The following RCSD1 variants were observed in gnomAD, a reference collection of about 807,000 sequenced individuals.
RCSD1 encodes the protein RCSD domain containing 1, also known as capZ-interacting protein.
In RCSD1, 26 loss-of-function variants were observed where a neutral mutation model predicts 42.5. The ratio of observed to expected loss-of-function variants is 0.61; its 90% CI spans 0.45 to 0.85. The LOEUF (loss-of-function observed/expected upper bound fraction) is 0.85, where lower values mean the gene tolerates loss of function less well. RCSD1 is among the 40% of genes least tolerant of loss of function. RCSD1 has a pLI of 0.00. For synonymous variants in RCSD1, 220 were observed against 212.2 expected (o/e 1.04, Z -0.32); for missense variants, 571 against 528.3 (o/e 1.08, Z -0.79).
chr1:167,694,453 C>T (rs1659450649), intron 5 of RCSD1, 151 bp downstream of exon 5: 1 of 730,130 alleles, frequency 1.4e-6, no homozygotes, highest in Non-Finnish European at 2.2e-6. Context: ...AATTTCTCCT[C>T]TCCTTTGCAA....
Position 167,630,440 on chromosome 1 carries a change from C to T in RCSD1, c.6+11C>T. On this transcript the variant is annotated intron_variant, in intron 1 of 6. Transcript: ENST00000367854. The stretch of plus-strand genomic sequence containing the variant: ...CTGAAGGACATGGAGGTAAAGGACC[C>T]CGGAGGGAGACGCGGGGCTGAGCGG... 1 of 1,540,214 alleles carries T rather than the reference C, an allele frequency of 6.5e-7. No homozygotes were observed. The highest frequency in any genetic ancestry group is 1.7e-4 in the Middle Eastern group (1 of 5,810).
At chr1:167,669,891 C>T (rs778151159) in intron 1 of RCSD1, among the ~76,000 whole-genome samples, 1 of 152,230 alleles carries the variant, frequency 6.6e-6, no homozygotes, top group South Asian at 2.1e-4. Context: ...GGATGCAGAC[C>T]GGGGGCTGGG....
In RCSD1 at chr1:167,658,729, C is replaced by A. The variant is rs140896121; in HGVS notation, c.7-25171C>A. Among the ~76,000 whole-genome samples the A allele has an allele frequency of 3.1e-3, 467 of 152,244 alleles. 2 individuals are homozygous for A. The highest frequency in any genetic ancestry group is 7.1e-3 in the Admixed American group (108 of 15,286). ...TACAAGCATGAGTCACCATGCCTGGCCTAGTTCATTCTTTTTAATGGTTTC... is the reference window on the plus strand; with the variant it reads ...TACAAGCATGAGTCACCATGCCTGGACTAGTTCATTCTTTTTAATGGTTTC... On this transcript the variant is annotated intron_variant, in intron 1 of 6. Transcript: ENST00000367854.
intron 1 of RCSD1, among the ~76,000 whole-genome samples, chr1:167,674,703 T>C (rs1214542135): frequency 1.3e-5 from 2 of 152,232 alleles, no homozygotes; most frequent in Non-Finnish European, 2.9e-5. Flanking sequence ...TCTGGACATG[T>C]CATAACAATG....
intron 1 of RCSD1, chr1:167,664,512 A>C (rs778475596): frequency 6.6e-6 from 1 of 152,266 alleles, no homozygotes; most frequent in Non-Finnish European, 1.5e-5. Context: ...ATATATCTAC[A>C]ATAAAATTCA....
intron 4 of RCSD1, among the ~76,000 whole-genome samples, chr1:167,691,580 A>G (rs1003140106): frequency 1.3e-5 from 2 of 152,218 alleles, no homozygotes; most frequent in African/African-American, 2.4e-5. Context: ...TCCAGGCCCA[A>G]CTGAGAGCAC....
intron 1 of RCSD1, among the ~76,000 whole-genome samples, chr1:167,632,325 G>A (rs1445541705): frequency 6.6e-6 from 1 of 152,204 alleles, no homozygotes; most frequent in Admixed American, 6.5e-5. Context: ...AAGGATTGGA[G>A]ATAAGAGAAA....
chr1:167,675,046 A>T (rs893093732), intron 1 of RCSD1, among the ~76,000 whole-genome samples: 1 of 151,958 alleles, frequency 6.6e-6, no homozygotes, highest in Non-Finnish European at 1.5e-5. Context: ...CTCTACTAAA[A>T]ATACAAAAAA....
intron 1 of RCSD1, among the ~76,000 whole-genome samples, chr1:167,637,534 T>C (rs1657889576): frequency 6.6e-6 from 1 of 152,144 alleles, no homozygotes; most frequent in South Asian, 2.1e-4. Flanking sequence ...CTGGCAGCCC[T>C]AGGGTGCAGA....
chr1:167,690,119 A>G lies in RCSD1; in HGVS notation c.269A>G (p.Gln90Arg), dbSNP rs1229286919. The G allele has an allele frequency of 1.2e-6, 2 of 1,613,934 alleles. No homozygotes were observed. Among genetic ancestry groups the G allele is most frequent in the Admixed American group, 1.7e-5 (1 of 60,002 alleles). Reference sequence around the variant, plus strand: ...AGCTCGCCTCTGATTGAGAAGCTTCAGGTAAGTGCAGAATTCATTGTCTAT... The same window carrying G: ...AGCTCGCCTCTGATTGAGAAGCTTCGGGTAAGTGCAGAATTCATTGTCTAT... ...VKSSPLIEKL[Q>R]ANLTFDPAAL... Residue 90 changes from glutamine to arginine, a missense_variant and splice_region_variant, in exon 4 of 7, where the codon CAG (glutamine) becomes CGG (arginine). Physicochemically the swap from Gln to Arg is conservative, Grantham distance 43. Transcript: ENST00000367854.
In RCSD1 at chr1:167,632,935, G is replaced by A. The variant is rs781409585; in HGVS notation, c.6+2506G>A. ...TGATATGCAGGAGTTGGATTTGGGG[G>A]TTTCTGAAAATCTCAGAGTAAAACC... On this transcript the variant is annotated intron_variant, in intron 1 of 6. Coordinates refer to ENST00000367854, the MANE Select transcript of RCSD1 (RefSeq NM_052862.4). Among the ~76,000 whole-genome samples the A allele has an allele frequency of 1.4e-4, 22 of 152,308 alleles. No homozygotes were observed. The Middle Eastern group carries it at 0.01, about 71-fold the overall frequency.
chr1:167,656,271 T>C (rs1172064546), intron 1 of RCSD1, among the ~76,000 whole-genome samples: 1 of 152,168 alleles, frequency 6.6e-6, no homozygotes, highest in Non-Finnish European at 1.5e-5. Context: ...TAATCCTCCC[T>C]AGAATTCAGT....
At chr1:167,664,899 G>A (rs1315292257) in intron 1 of RCSD1, 2 of 152,188 alleles carry the variant, frequency 1.3e-5, no homozygotes, top group African/African-American at 2.4e-5. Context: ...TTAGCCAGGC[G>A]TGGTGGCGCA....
chr1:167,673,366 C>T (rs1658859024), intron 1 of RCSD1, among the ~76,000 whole-genome samples: 1 of 152,202 alleles, frequency 6.6e-6, no homozygotes, highest in Non-Finnish European at 1.5e-5. Flanking sequence ...AGATAACTTC[C>T]CTCATCATCT....
At chr1:167,655,529 C>T (rs1039591596) in intron 1 of RCSD1, among the ~76,000 whole-genome samples, 27 of 152,172 alleles carry the variant, frequency 1.8e-4, no homozygotes, top group African/African-American at 6.5e-4. Context: ...CCTGCTATGA[C>T]CTGCGTGTGC....
intron 1 of RCSD1, among the ~76,000 whole-genome samples, chr1:167,671,815 C>T (rs889657322): frequency 6.6e-6 from 1 of 152,218 alleles, no homozygotes; most frequent in Non-Finnish European, 1.5e-5. Context: ...CTTAGGCAGC[C>T]TTTCATGCTC....
intron 6 of RCSD1, 22 bp downstream of exon 6, chr1:167,697,864 C>G: frequency 2.8e-6 from 4 of 1,451,530 alleles, no homozygotes; most frequent in Non-Finnish European, 3.6e-6. Context: ...GGCTCGTTCA[C>G]ATGCAGAAGG....
chr1:167,694,912 G>C (rs188563243), intron 5 of RCSD1, among the ~76,000 whole-genome samples: 71 of 152,334 alleles, frequency 4.7e-4, no homozygotes, highest in African/African-American at 1.7e-3. Flanking sequence ...AGGAGGTAAG[G>C]ATCAGAGATA....
intron 2 of RCSD1, 35 bp downstream of exon 2, chr1:167,684,036 A>G: frequency 2.6e-6 from 4 of 1,543,856 alleles, no homozygotes; most frequent in Non-Finnish European, 3.6e-6. Context: ...CCTCTTCAGC[A>G]GCGGGCAGGA....
Sources: allele counts gnomAD v4.1 joint callset (sites outside exome capture counted in the v4.1 genomes callset), GRCh38; gene constraint gnomAD v4.1.1; transcripts MANE v1.5; gene names NCBI Gene and HGNC (gene_info 2026-07-23, HGNC 2026-07-21).